Variants in ZNF385B observed in about 807,000 individuals in gnomAD.
ZNF385B encodes the protein zinc finger protein 533.
Under a neutral mutation model 39.2 loss-of-function variants are expected in ZNF385B, and 23 were observed. That is an observed-to-expected ratio of 0.59 (90% CI 0.42 to 0.83). The LOEUF (loss-of-function observed/expected upper bound fraction) is 0.83. Ranked by LOEUF, ZNF385B falls within the 40% of genes least tolerant of loss-of-function variation. The probability of loss-of-function intolerance (pLI) is 0.00; values close to 1 mark genes in which losing one functional copy is unlikely to be tolerated. For missense variants in ZNF385B, 552 were observed against 598.9 expected (o/e 0.92, Z 0.82); for synonymous variants, 205 against 222.6 (o/e 0.92, Z 0.70).
chr2:179,727,422 A>G (rs1701092029), intron 3 of ZNF385B, among the ~76,000 whole-genome samples: 1 of 151,988 alleles, frequency 6.6e-6, no homozygotes, highest in South Asian at 2.1e-4. Context: ...ATAATGACAC[A>G]CTTGGGAAGT....
chr2:179,595,168 G>A (rs538825402), intron 3 of ZNF385B, among the ~76,000 whole-genome samples: 3 of 152,190 alleles, frequency 2.0e-5, no homozygotes, highest in African/African-American at 7.2e-5. Flanking sequence ...ATGAAGATCT[G>A]AAACTAGGAA....
At chr2:179,618,010 C>T (rs1362481779) in intron 3 of ZNF385B, among the ~76,000 whole-genome samples, 1 of 152,126 alleles carries the variant, frequency 6.6e-6, no homozygotes, top group Non-Finnish European at 1.5e-5. Context: ...TATTATTACT[C>T]ATGTCTGCCA....
At chr2:179,448,787 G>A (rs912164411) in intron 6 of ZNF385B, among the ~76,000 whole-genome samples, 42 of 152,002 alleles carry the variant, frequency 2.8e-4, no homozygotes, top group Non-Finnish European at 4.4e-5. Flanking sequence ...AGCACAAAAG[G>A]AGGACTTAAT....
chr2:179,572,567 C>T (rs1040171370), intron 3 of ZNF385B, among the ~76,000 whole-genome samples: 14 of 152,106 alleles, frequency 9.2e-5, no homozygotes, highest in Non-Finnish European at 2.1e-4. Context: ...AAGAGGTAGA[C>T]TCAACAGGAC....
chr2:179,700,635 G>T (rs1417916450), intron 3 of ZNF385B, among the ~76,000 whole-genome samples: 1 of 152,172 alleles, frequency 6.6e-6, no homozygotes, highest in Non-Finnish European at 1.5e-5. Context: ...AATAAATTCA[G>T]TTTCAAGAAT....
At chr2:179,760,211 G>A (rs947060633) in intron 3 of ZNF385B, among the ~76,000 whole-genome samples, 5 of 132,680 alleles carry the variant, frequency 3.8e-5, no homozygotes, top group Admixed American at 2.3e-4. Flanking sequence ...GTATTACCTG[G>A]ATTCCTGTGT....
chr2:179,852,432 A>G (rs546146001), intron 1 of ZNF385B, among the ~76,000 whole-genome samples: 2 of 152,114 alleles, frequency 1.3e-5, no homozygotes, highest in South Asian at 4.1e-4. Context: ...CATAATTATA[A>G]TCTTGGGAGC....
At chr2:179,455,958 A>G (rs2050661515) in intron 6 of ZNF385B, among the ~76,000 whole-genome samples, 1 of 151,964 alleles carries the variant, frequency 6.6e-6, no homozygotes, top group South Asian at 2.1e-4. Context: ...AAAACTATTT[A>G]GCTTAGGCCT....
intron 3 of ZNF385B, among the ~76,000 whole-genome samples, chr2:179,606,768 A>C (rs1289817884): frequency 6.6e-6 from 1 of 152,228 alleles, no homozygotes; most frequent in Non-Finnish European, 1.5e-5. Context: ...TAAAAATGAA[A>C]GAGAAAATCT....
At chr2:179,783,948 T>C (rs768275725) in intron 1 of ZNF385B, among the ~76,000 whole-genome samples, 4 of 152,182 alleles carry the variant, frequency 2.6e-5, no homozygotes, top group African/African-American at 9.7e-5. Context: ...GAACTACCAT[T>C]TGACCCAGCA....
At chr2:179,822,464 T>G (rs1423929388) in intron 1 of ZNF385B, among the ~76,000 whole-genome samples, 1 of 152,224 alleles carries the variant, frequency 6.6e-6, no homozygotes. Flanking sequence ...CAACATATTC[T>G]TAATTATCAG....
At chr2:179,808,081 G>A (rs1368017328) in intron 1 of ZNF385B, among the ~76,000 whole-genome samples, 3 of 151,738 alleles carry the variant, frequency 2.0e-5, no homozygotes, top group Non-Finnish European at 4.4e-5. Flanking sequence ...CGCCCAGGCT[G>A]GAGTGCAGTG....
At chr2:179,483,125 T>C (rs1363630530) in intron 6 of ZNF385B, 147 bp downstream of exon 6, 12 of 874,296 alleles carry the variant, frequency 1.4e-5, no homozygotes, top group Non-Finnish European at 2.1e-5. Context: ...TGTGCAAACA[T>C]ATAATCCTTC....
At chr2:179,824,975 CTT>C (rs1707601104) in intron 1 of ZNF385B, among the ~76,000 whole-genome samples, 2 of 152,212 alleles carry the variant, frequency 1.3e-5, no homozygotes, top group South Asian at 2.1e-4. Flanking sequence ...TAGGCATACT[CTT>C]TGTGTGAGCA....
chr2:179,691,703 C>A (rs948521932), intron 3 of ZNF385B, among the ~76,000 whole-genome samples: 1 of 152,020 alleles, frequency 6.6e-6, no homozygotes, highest in Non-Finnish European at 1.5e-5. Flanking sequence ...AATTTCAGAG[C>A]AAAAACAAGT....
intron 3 of ZNF385B, among the ~76,000 whole-genome samples, chr2:179,668,543 G>GT (rs11368976): frequency 0.4 from 60,664 of 151,228 alleles, 12,498 homozygotes; most frequent in African/African-American, 0.5. Flanking sequence ...CTCTATTTTT[G>GT]TTTGCACATA....
chr2:179,450,297 C>T (rs1441100834), intron 6 of ZNF385B, among the ~76,000 whole-genome samples: 2 of 152,214 alleles, frequency 1.3e-5, no homozygotes, highest in African/African-American at 4.8e-5. Flanking sequence ...AAAGAAACTA[C>T]CATCAGAGCG....
intron 5 of ZNF385B, among the ~76,000 whole-genome samples, chr2:179,486,816 G>A (rs559559411): frequency 2.0e-5 from 3 of 152,230 alleles, no homozygotes; most frequent in African/African-American, 7.2e-5. Context: ...CTTGTGGGGA[G>A]GAGGTGGGTG....
At chr2:179,799,219 G>A (rs780234309) in intron 1 of ZNF385B, among the ~76,000 whole-genome samples, 7 of 151,874 alleles carry the variant, frequency 4.6e-5, no homozygotes, top group East Asian at 3.9e-4. Context: ...CAACATAGTC[G>A]AACGAAAAAG....
Sources: gnomAD v4.1 joint callset for allele counts (sites outside exome capture counted in the v4.1 genomes callset) on GRCh38, gnomAD v4.1.1 for gene constraint, MANE v1.5 for transcripts, NCBI Gene and HGNC (gene_info 2026-07-23, HGNC 2026-07-21) for gene names.